The following CPNE4 variants were observed in gnomAD, a reference collection of about 807,000 sequenced individuals.
CPNE4 encodes the protein copine 4, also known as copine-4.
CPNE4 carries 25 observed loss-of-function variants against 67.9 expected under a neutral mutation model. The observed-to-expected ratio is 0.37, with a 90% CI of 0.27 to 0.51. CPNE4 has a LOEUF of 0.51. Ranked by LOEUF, CPNE4 falls within the 20% of genes least tolerant of loss-of-function variation. The pLI is 0.93. For synonymous variants in CPNE4, 242 were observed against 244.9 expected, an observed-to-expected ratio of 0.99 and a Z score of 0.11; for missense variants, 464 against 690.8, an observed-to-expected ratio of 0.67 and a Z score of 3.68.
intron 1 of CPNE4, among the ~76,000 whole-genome samples, chr3:132,001,612 A>AAAGG (rs2073452550): frequency 1.4e-5 from 2 of 146,460 alleles, no homozygotes; most frequent in Non-Finnish European, 3.0e-5. Flanking sequence ...AGAAAGAAAG[A>AAAGG]AAGAAAATGA....
chr3:131,683,226 G>C (rs971633339), intron 6 of CPNE4, among the ~76,000 whole-genome samples: 1 of 152,140 alleles, frequency 6.6e-6, no homozygotes, highest in African/African-American at 2.4e-5. Context: ...AGCCACCATA[G>C]CTGGGAATGC....
At chr3:131,749,226 G>A (rs887673396) in intron 2 of CPNE4, among the ~76,000 whole-genome samples, 1 of 152,118 alleles carries the variant, frequency 6.6e-6, no homozygotes, top group Non-Finnish European at 1.5e-5. Context: ...GGATTATGCA[G>A]AAGTCTGTTG....
intron 1 of CPNE4, among the ~76,000 whole-genome samples, chr3:131,975,348 T>G (rs574157089): frequency 1.3e-5 from 2 of 152,196 alleles, no homozygotes; most frequent in Non-Finnish European, 2.9e-5. Flanking sequence ...AAAACCCCGG[T>G]TGGCAACTTG....
intron 8 of CPNE4, among the ~76,000 whole-genome samples, chr3:131,582,996 A>C (rs547269705): frequency 6.6e-6 from 1 of 152,332 alleles, no homozygotes; most frequent in Non-Finnish European, 1.5e-5. Context: ...CAGATAACTG[A>C]TACTGTAGTT....
intron 9 of CPNE4, among the ~76,000 whole-genome samples, chr3:131,577,152 G>A (rs932505679): frequency 2.0e-5 from 3 of 152,022 alleles, no homozygotes; most frequent in African/African-American, 7.2e-5. Context: ...AAAGGGTAGG[G>A]ATATGACCCA....
At chr3:131,621,042 G>A (rs1298384820) in intron 7 of CPNE4, among the ~76,000 whole-genome samples, 6 of 152,114 alleles carry the variant, frequency 3.9e-5, no homozygotes, top group Non-Finnish European at 7.4e-5. Context: ...TTGTATCCAA[G>A]AGGGATCCTT....
At chr3:132,036,252 T>C (rs957280053), upstream of CPNE4, among the ~76,000 whole-genome samples, 1 of 152,218 alleles carries the variant, frequency 6.6e-6, no homozygotes, top group Admixed American at 6.5e-5. Flanking sequence ...TTGGATTTGC[T>C]TTGATTGCAA....
In CPNE4 at chr3:131,857,248, C is replaced by T. The variant is rs183145075; in HGVS notation, c.180+48016G>A. Among the ~76,000 whole-genome samples the T allele has an allele frequency of 9.9e-5, 15 of 152,084 alleles. No individual in the cohort carries two copies. The East Asian group carries it at 1.9e-3, about 20-fold the overall frequency. On this transcript the variant is annotated intron_variant, in intron 2 of 15. Transcript: ENST00000429747. Reference sequence around the variant, plus strand: ...AAGGAAATTACCCTTTAGGCCAATGCGTATCATATATTTTTAGCATCAAAA... The same window carrying T: ...AAGGAAATTACCCTTTAGGCCAATGTGTATCATATATTTTTAGCATCAAAA...
intron 1 of CPNE4, among the ~76,000 whole-genome samples, chr3:131,999,736 C>T (rs1382893897): frequency 6.6e-6 from 1 of 151,882 alleles, no homozygotes; most frequent in African/African-American, 2.4e-5. Context: ...TAAAGGATTA[C>T]TGTAAAATCC....
chr3:131,638,248 C>G (rs143859205), intron 7 of CPNE4, among the ~76,000 whole-genome samples: 1 of 151,964 alleles, frequency 6.6e-6, no homozygotes, highest in South Asian at 2.1e-4. Flanking sequence ...TACAGAATGC[C>G]GGAATGGATA....
intron 2 of CPNE4, among the ~76,000 whole-genome samples, chr3:131,754,563 C>T (rs1192128318): frequency 6.6e-6 from 1 of 152,088 alleles, no homozygotes; most frequent in Non-Finnish European, 1.5e-5. Flanking sequence ...AACTTTTCCC[C>T]CTGTGTTGGA....
At position 131,994,615 on chromosome 3, in the gene CPNE4, G is replaced by A. The variant is rs1186737935; in HGVS notation, c.-2+39952C>T. Among the ~76,000 whole-genome samples the A allele has an allele frequency of 6.6e-5, 10 of 152,282 alleles. No homozygotes were observed. The East Asian group carries it at 1.9e-3, about 29-fold the overall frequency. On this transcript the variant is annotated intron_variant, in intron 1 of 15. Coordinates refer to ENST00000429747, the MANE Select transcript of CPNE4 (RefSeq NM_130808.3). Reference sequence around the variant, plus strand: ...ATTAATTAAATTCTTTTGAAGGTTTGTGTATTTCTTTGGGAGAACCCTATG... The same window carrying A: ...ATTAATTAAATTCTTTTGAAGGTTTATGTATTTCTTTGGGAGAACCCTATG...
intron 2 of CPNE4, among the ~76,000 whole-genome samples, chr3:131,726,277 G>A (rs1469961762): frequency 6.6e-6 from 1 of 152,196 alleles, no homozygotes; most frequent in African/African-American, 2.4e-5. Context: ...CCCTTATAAA[G>A]TTCATGTTGG....
intron 3 of CPNE4, among the ~76,000 whole-genome samples, chr3:131,709,477 G>C (rs1464950813): frequency 6.6e-6 from 1 of 152,178 alleles, no homozygotes; most frequent in Non-Finnish European, 1.5e-5. Flanking sequence ...GGATCCATTG[G>C]TGATGCAGGC....
chr3:131,757,667 A>G (rs900435616), intron 2 of CPNE4, among the ~76,000 whole-genome samples: 2 of 152,204 alleles, frequency 1.3e-5, no homozygotes, highest in African/African-American at 2.4e-5. Flanking sequence ...TTAATCCCCA[A>G]CACCCTGGGG....
intron 1 of CPNE4, among the ~76,000 whole-genome samples, chr3:131,910,872 C>A (rs957919): frequency 6.6e-6 from 1 of 151,900 alleles, no homozygotes; most frequent in South Asian, 2.1e-4. Flanking sequence ...ACCACAAAAC[C>A]GTAAATGTTC....
At chr3:131,790,225 G>T (rs2083680682) in intron 2 of CPNE4, among the ~76,000 whole-genome samples, 1 of 152,108 alleles carries the variant, frequency 6.6e-6, no homozygotes, top group African/African-American at 2.4e-5. Context: ...TTCTCCCTGG[G>T]TTGGTTTGAC....
At chr3:131,940,873 C>A (rs1397443731) in intron 1 of CPNE4, among the ~76,000 whole-genome samples, 1 of 151,982 alleles carries the variant, frequency 6.6e-6, no homozygotes, top group East Asian at 1.9e-4. Context: ...GTAAGTAAAT[C>A]CTGCTTACCA....
chr3:131,819,706 A>G (rs1279349061), intron 2 of CPNE4, among the ~76,000 whole-genome samples: 5 of 152,208 alleles, frequency 3.3e-5, no homozygotes, highest in Non-Finnish European at 7.3e-5. Context: ...AAATAATTAC[A>G]TTGAAATTTT....
Sources: gnomAD v4.1 joint callset for allele counts (sites outside exome capture counted in the v4.1 genomes callset) on GRCh38, gnomAD v4.1.1 for gene constraint, MANE v1.5 for transcripts, NCBI Gene and HGNC (gene_info 2026-07-23, HGNC 2026-07-21) for gene names.